Variants in GCA observed in about 807,000 individuals in gnomAD.
GCA encodes grancalcin, EF-hand calcium-binding protein.
In GCA, 30 loss-of-function variants were observed where a neutral mutation model predicts 32.6. The observed-to-expected ratio is 0.92, with a 90% confidence interval of 0.69 to 1.25. The LOEUF is 1.25. GCA is among the 50% of genes most tolerant of loss of function. The probability of loss-of-function intolerance (pLI) is 0.00; values close to 1 mark genes in which losing one functional copy is unlikely to be tolerated. For synonymous variants in GCA, 102 were observed against 84.6 expected, an observed-to-expected ratio of 1.21 and a Z score of -1.13; for missense variants, 291 against 266.8, an observed-to-expected ratio of 1.09 and a Z score of -0.63.
At chr2:162,356,651 A>G (rs1576296805) in intron 4 of GCA, 107 bp from the exon 5 acceptor site, 1 of 892,424 alleles carries the variant, frequency 1.1e-6, no homozygotes, top group Non-Finnish European at 1.8e-6. Context: ...GTCTGTTCAT[A>G]TAATGAGTTT....
Position 162,332,308 on chromosome 2 carries a change from CAAA to C in GCA, c.-31+13096_-31+13098del, listed in dbSNP as rs1230075576. ...TGGGCGACAGAGCAAGACTCCATCT[CAAA>C]AAAAAAAAAAAATATATATATATAT... On this transcript the variant is annotated intron_variant, in intron 1 of 4. Transcript: ENST00000429691. Among the ~76,000 whole-genome samples the C allele has an allele frequency of 3.8e-3, 422 of 111,076 alleles. 3 individuals are homozygous for C. Among genetic ancestry groups the C allele is most frequent in the African/African-American group, 0.012 (368 of 29,826 alleles). The allele number at this position is 111,076 out of a possible 152,430, so 72.9% of individuals were successfully genotyped here. A position where few individuals can be genotyped will look rare whatever the true frequency, so the allele number is the denominator to read the frequency against.
intron 3 of GCA, among the ~76,000 whole-genome samples, chr2:162,354,982 G>T (rs1410722524): frequency 1.3e-5 from 2 of 152,048 alleles, no homozygotes; most frequent in Admixed American, 1.3e-4. Context: ...CAGTTTTAGC[G>T]ATCTATTATC....
chr2:162,372,205 G>A (rs1231526263), downstream of GCA: 4 of 889,418 alleles, frequency 4.5e-6, no homozygotes, highest in Non-Finnish European at 6.7e-6. Flanking sequence ...ATCTATATTT[G>A]ATTAGTGATA....
chr2:162,327,983 C>T (rs1013413771), intron 1 of GCA, among the ~76,000 whole-genome samples: 11 of 152,282 alleles, frequency 7.2e-5, no homozygotes, highest in East Asian at 1.9e-4. Context: ...TGGCTCTTGG[C>T]GCCTCGTCTG....
At chr2:162,335,827 C>T (rs577362470) in intron 1 of GCA, among the ~76,000 whole-genome samples, 3 of 152,238 alleles carry the variant, frequency 2.0e-5, no homozygotes, top group East Asian at 3.9e-4. Context: ...TCAACCCCTT[C>T]GTTATTTATT....
chr2:162,318,803 A>C (rs538561569), upstream of GCA: 1 of 166,976 alleles, frequency 6.0e-6, no homozygotes, highest in Non-Finnish European at 1.3e-5. Flanking sequence ...TGAAGAGAGG[A>C]GGCCTTTGGT....
downstream of GCA, among the ~76,000 whole-genome samples, chr2:162,372,999 G>T (rs150087400): frequency 6.6e-5 from 10 of 152,202 alleles, no homozygotes; most frequent in East Asian, 1.9e-3. Context: ...TGAACCTCAG[G>T]TCTAATCTGG....
downstream of GCA, among the ~76,000 whole-genome samples, chr2:162,375,154 T>G (rs756013472): frequency 2.0e-5 from 3 of 152,186 alleles, no homozygotes; most frequent in African/African-American, 7.2e-5. Context: ...CATTCAGATT[T>G]ATCATAAATA....
At chr2:162,350,262 G>C (rs554652628) in intron 2 of GCA, among the ~76,000 whole-genome samples, 1 of 152,186 alleles carries the variant, frequency 6.6e-6, no homozygotes, top group African/African-American at 2.4e-5. Flanking sequence ...CTGGAAAGGG[G>C]ACTTGAGGTA....
Position 162,347,674 on chromosome 2 carries a change from G to C in GCA, c.124G>C (p.Ala42Pro), listed in dbSNP as rs1293084545. The change falls in exon 2 of 8, where the codon GCA (alanine) becomes CCA (proline). Residue 42 changes from alanine to proline, a missense_variant. Coordinates refer to ENST00000437150, the MANE Select transcript of GCA (RefSeq NM_012198.5). ...ACTCCTCGATGGATACTCTGGGCCA[G>C]CATATTCAGACACTTATTCCTCAGC... Reference protein sequence around the residue: ...AILLDGYSGPAYSDTYSSAGD... With the variant: ...AILLDGYSGPPYSDTYSSAGD... 8 of 1,609,788 alleles carry C rather than the reference G, an allele frequency of 5.0e-6. No individual in the cohort carries two copies. Among genetic ancestry groups the C allele is most frequent in the African/African-American group, 1.3e-5 (1 of 74,946 alleles).
At chr2:162,373,537 T>C (rs147827058), downstream of GCA, 246 of 1,589,764 alleles carry the variant, frequency 1.5e-4, no homozygotes, top group Non-Finnish European at 2.0e-4. Flanking sequence ...TCTCATCAGC[T>C]GGATGATGGG....
In GCA at chr2:162,349,131, A is replaced by G. The variant is rs948989598; in HGVS notation, c.192+1389A>G. On this transcript the variant is annotated intron_variant, in intron 2 of 7. Coordinates refer to ENST00000437150, the MANE Select transcript of GCA (RefSeq NM_012198.5). ...TAGTGTGGTCCTAATGTAAAAACAAACATAATACTGAAGAGCCCAGAAGCT... is the reference window on the plus strand; with the variant it reads ...TAGTGTGGTCCTAATGTAAAAACAAGCATAATACTGAAGAGCCCAGAAGCT... 2.0e-5 allele frequency among the ~76,000 whole-genome samples: 3 copies of G among 152,058 alleles called. No homozygotes were observed. In the South Asian group the frequency reaches 6.2e-4, roughly 31 times the overall value.
At chr2:162,352,547 C>T (rs1286302814) in intron 3 of GCA, 140 bp downstream of exon 3, 1 of 596,990 alleles carries the variant, frequency 1.7e-6, no homozygotes, top group African/African-American at 1.9e-5. Flanking sequence ...AACTGTAAAA[C>T]TCGTTATGAA....
intron 6 of GCA, 116 bp from the exon 7 acceptor site, chr2:162,359,378 C>T (rs1558904095): frequency 3.4e-6 from 2 of 594,878 alleles, no homozygotes; most frequent in South Asian, 4.8e-5. Flanking sequence ...CAGGGCTATT[C>T]AATCACTTAA....
chr2:162,356,528 T>A, intron 4 of GCA, 47 bp downstream of exon 4: 1 of 1,165,834 alleles, frequency 8.6e-7, no homozygotes, highest in Non-Finnish European at 1.3e-6. Context: ...GAGTAATTGC[T>A]TTCTGACTAT....
chr2:162,324,942 G>A (rs910804576), intron 1 of GCA, among the ~76,000 whole-genome samples: 3 of 152,184 alleles, frequency 2.0e-5, no homozygotes, highest in South Asian at 2.1e-4. Flanking sequence ...GAGAGCCATC[G>A]TCCGAGGCTC....
chr2:162,352,944 A>T (rs1685076208), intron 3 of GCA, among the ~76,000 whole-genome samples: 1 of 151,954 alleles, frequency 6.6e-6, no homozygotes, highest in South Asian at 2.1e-4. Context: ...TTTTTATATA[A>T]TGTTTTGCTT....
At chr2:162,358,124 T>C (rs1389809823) in intron 5 of GCA, among the ~76,000 whole-genome samples, 1 of 151,582 alleles carries the variant, frequency 6.6e-6, no homozygotes, top group African/African-American at 2.4e-5. Context: ...CACCTTTGAA[T>C]TGATTAGTGT....
chr2:162,373,621 T>C, downstream of GCA: 3 of 1,558,704 alleles, frequency 1.9e-6, no homozygotes, highest in Non-Finnish European at 2.6e-6. Context: ...CTGCAGCAAC[T>C]GTAAGATGGT....
Sources: allele counts gnomAD v4.1 joint callset (sites outside exome capture counted in the v4.1 genomes callset), GRCh38; gene constraint gnomAD v4.1.1; transcripts MANE v1.5; gene names NCBI Gene and HGNC (gene_info 2026-07-23, HGNC 2026-07-21).